Variants in BMPER observed in about 807,000 individuals in gnomAD.
The protein encoded by BMPER is BMP-binding endothelial regulator protein.
A neutral mutation model predicts 87.3 loss-of-function variants in BMPER; 45 were observed. The ratio of observed to expected loss-of-function variants is 0.52; its 90% confidence interval spans 0.41 to 0.66. The LOEUF is 0.66. BMPER is among the 30% of genes least tolerant of loss of function. The pLI, the probability that BMPER is intolerant of heterozygous loss-of-function variation, is 0.00. For missense variants in BMPER, 784 were observed against 867.5 expected, an observed-to-expected ratio of 0.90 and a Z score of 1.21; for synonymous variants, 326 against 316.2, an observed-to-expected ratio of 1.03 and a Z score of -0.33.
intron 6 of BMPER, among the ~76,000 whole-genome samples, chr7:34,004,169 C>T (rs562873982): frequency 3.9e-5 from 6 of 152,094 alleles, no homozygotes; most frequent in African/African-American, 1.2e-4. Context: ...TCTGCCAGTT[C>T]GATCTGCTGT....
rs562485135 is a variant in BMPER, at chr7:33,942,531, G to A, written c.319+5143G>A. ...GCACCCAGCCTGGGCCCCTGACTGTGTATTTTTAAGTCTCCACTGAGACCC... is the reference window on the plus strand; with the variant it reads ...GCACCCAGCCTGGGCCCCTGACTGTATATTTTTAAGTCTCCACTGAGACCC... On this transcript the variant is annotated intron_variant, in intron 3 of 14. Transcript: ENST00000649409. Among the ~76,000 whole-genome samples, 57 of 152,268 alleles carry A rather than the reference G, an allele frequency of 3.7e-4. No individual in the cohort carries two copies. The South Asian group carries it at 0.011, about 30-fold the overall frequency.
At chr7:34,147,885 A>G (rs1217342394) in intron 14 of BMPER, among the ~76,000 whole-genome samples, 1 of 152,216 alleles carries the variant, frequency 6.6e-6, no homozygotes, top group Non-Finnish European at 1.5e-5. Flanking sequence ...TGAAAAAACA[A>G]CTGAATTCAC....
At chr7:33,905,518 C>T (rs1208062536), upstream of BMPER, 25 of 1,543,956 alleles carry the variant, frequency 1.6e-5, no homozygotes, top group East Asian at 2.4e-5. Context: ...TCTCCCGACA[C>T]GCCGGCTGAG....
intron 7 of BMPER, among the ~76,000 whole-genome samples, chr7:34,050,646 G>A (rs148156746): frequency 1.3e-4 from 20 of 152,244 alleles, no homozygotes; most frequent in African/African-American, 4.3e-4. Flanking sequence ...AGAGTGGTAC[G>A]AATAGAAATT....
In BMPER at chr7:34,127,635, G is replaced by A. The variant is rs140169478; in HGVS notation, c.1746-15595G>A. Among the ~76,000 whole-genome samples the A allele has an allele frequency of 1.3e-4, 20 of 152,104 alleles. No individual in the cohort carries two copies. The East Asian group carries it at 2.9e-3, about 22-fold the overall frequency. On this transcript the variant is annotated intron_variant, in intron 13 of 14. Coordinates refer to ENST00000649409, the MANE Select transcript of BMPER (RefSeq NM_001365308.1). ...CTCCACCCCGCTCCTTTCTACTACC[G>A]GCTTCTTCTGCATCCCTCTAATTTC...
intron 6 of BMPER, among the ~76,000 whole-genome samples, chr7:34,011,775 A>T (rs968210382): frequency 6.6e-6 from 1 of 151,826 alleles, no homozygotes; most frequent in African/African-American, 2.4e-5. Context: ...GAAAAATGAA[A>T]GCCAAATTCA....
At position 34,030,779 on chromosome 7, in the gene BMPER, T is replaced by C. The variant is rs1787500162; in HGVS notation, c.577-15527T>C. Among the ~76,000 whole-genome samples the C allele has an allele frequency of 2.0e-5, 3 of 152,032 alleles. No individual in the cohort carries two copies. The South Asian group carries it at 6.2e-4, about 32-fold the overall frequency. ...GCCACCATGCTTGTCTAATTTTTTA[T>C]TTGTTGTAGAGACAGGGTCTCGCTA... On this transcript the variant is annotated intron_variant, in intron 6 of 14. Coordinates refer to ENST00000649409, the MANE Select transcript of BMPER (RefSeq NM_001365308.1).
At chr7:33,905,476 C>G, upstream of BMPER, 1 of 1,092,502 alleles carries the variant, frequency 9.2e-7, no homozygotes, top group Non-Finnish European at 1.3e-6. Flanking sequence ...CCCCCCAGCT[C>G]TCGGGCGCCC....
chr7:34,125,131 C>T (rs931292430), intron 13 of BMPER, among the ~76,000 whole-genome samples: 18 of 152,222 alleles, frequency 1.2e-4, no homozygotes, highest in African/African-American at 4.3e-4. Flanking sequence ...CTTGTCTATG[C>T]TCTCCTTGTT....
At chr7:34,022,980 A>G (rs1214512665) in intron 6 of BMPER, among the ~76,000 whole-genome samples, 1 of 152,046 alleles carries the variant, frequency 6.6e-6, no homozygotes, top group East Asian at 1.9e-4. Flanking sequence ...CTTTGAAATG[A>G]GCAGTAAAAT....
chr7:34,093,335 G>A (rs373558495), intron 13 of BMPER, among the ~76,000 whole-genome samples: 2 of 152,166 alleles, frequency 1.3e-5, no homozygotes, highest in East Asian at 3.8e-4. Context: ...CCGATCGCAT[G>A]CCACCTGCAT....
chr7:34,112,962 T>C (rs1397738184), intron 13 of BMPER, among the ~76,000 whole-genome samples: 1 of 151,926 alleles, frequency 6.6e-6, no homozygotes, highest in East Asian at 1.9e-4. Flanking sequence ...TTCTTTAAGA[T>C]AAAATTTTAG....
chr7:33,928,799 G>T (rs973303202), intron 2 of BMPER, among the ~76,000 whole-genome samples: 3 of 151,870 alleles, frequency 2.0e-5, no homozygotes, highest in Non-Finnish European at 4.4e-5. Context: ...GCCTCTGCTG[G>T]CACGTGTCAT....
At chr7:34,086,634 G>A (rs968548496) in intron 13 of BMPER, among the ~76,000 whole-genome samples, 7 of 152,208 alleles carry the variant, frequency 4.6e-5, no homozygotes, top group African/African-American at 1.4e-4. Context: ...GAGACTTCAC[G>A]TCTAGAGTCA....
chr7:33,974,920 C>A, intron 6 of BMPER, 136 bp downstream of exon 6: 1 of 887,128 alleles, frequency 1.1e-6, no homozygotes. Context: ...TGATGTGGAG[C>A]CGAGGGAAAA....
At chr7:33,990,903 T>A (rs1281934520) in intron 6 of BMPER, among the ~76,000 whole-genome samples, 2 of 111,834 alleles carry the variant, frequency 1.8e-5, no homozygotes, top group Non-Finnish European at 3.6e-5. Context: ...GCTCTGTTTA[T>A]ATGCTGGATT....
chr7:34,004,441 G>C (rs1427476), intron 6 of BMPER, among the ~76,000 whole-genome samples: 120,149 of 152,042 alleles, frequency 0.79, 47,513 homozygotes, highest in East Asian at 0.84. Context: ...ATAAACTTCC[G>C]TGTTTTTTTG....
intron 11 of BMPER, among the ~76,000 whole-genome samples, chr7:34,064,235 G>A (rs34072940): frequency 0.21 from 30,992 of 150,336 alleles, 3,208 homozygotes; most frequent in Middle Eastern, 0.26. Flanking sequence ...AGGTTGCAGT[G>A]AACCAAGATC....
Position 34,085,774 on chromosome 7 carries a change from A to C in BMPER, c.1427A>C (p.Asp476Ala), listed in dbSNP as rs1789183037. 6 of 1,614,010 alleles carry C rather than the reference A, an allele frequency of 3.7e-6. No individual in the cohort carries two copies. Among genetic ancestry groups the C allele is most frequent in the Non-Finnish European group, 5.1e-6 (6 of 1,179,944 alleles). The change falls in exon 13 of 15, where the codon GAT becomes GCT. Residue 476 changes from aspartate (D) to alanine (A), a missense_variant. Physicochemically the swap from Asp to Ala is moderately radical, Grantham distance 126. Transcript: ENST00000649409. Reference sequence around the variant, plus strand: ...CCTCTAGGTTTGGAAATATCTTGGGATGGAGACAGTTTTGTAGAAGTCATG... The same window carrying C: ...CCTCTAGGTTTGGAAATATCTTGGGCTGGAGACAGTTTTGTAGAAGTCATG... ...TTKAGLEISW[D>A]GDSFVEVMAA...
Sources: gnomAD v4.1 joint callset for allele counts (sites outside exome capture counted in the v4.1 genomes callset) on GRCh38, gnomAD v4.1.1 for gene constraint, MANE v1.5 for transcripts, NCBI Gene and HGNC (gene_info 2026-07-23, HGNC 2026-07-21) for gene names.